Variants in PAPSS2 observed in about 807,000 individuals in gnomAD.
PAPSS2 encodes the protein 3'-phosphoadenosine 5'-phosphosulfate synthase 2.
PAPSS2 carries 61 observed loss-of-function variants against 66.5 expected under a neutral mutation model. The observed-to-expected ratio is 0.92, with a 90% CI of 0.75 to 1.14. The LOEUF (loss-of-function observed/expected upper bound fraction) is 1.14. PAPSS2 is among the 50% of genes most tolerant of loss of function. The pLI, the probability that PAPSS2 is intolerant of heterozygous loss-of-function variation, is 0.00. For synonymous variants in PAPSS2, 289 were observed against 287.5 expected, an observed-to-expected ratio of 1.01 and a Z score of -0.05; for missense variants, 708 against 789.6, an observed-to-expected ratio of 0.90 and a Z score of 1.24.
chr10:87,728,749 A>AG (rs1853690938), intron 9 of PAPSS2, among the ~76,000 whole-genome samples: 1 of 151,530 alleles, frequency 6.6e-6, no homozygotes, highest in Admixed American at 6.6e-5. Context: ...AGAAAAAAAA[A>AG]AGAGAGGCCA....
chr10:87,682,728 G>T (rs981373229), intron 1 of PAPSS2, among the ~76,000 whole-genome samples: 3 of 152,206 alleles, frequency 2.0e-5, no homozygotes, highest in Non-Finnish European at 4.4e-5. Flanking sequence ...ATAAGGTCCA[G>T]GTGGCCGCAA....
At chr10:87,706,104 A>ATGTG (rs1440508568) in intron 1 of PAPSS2, among the ~76,000 whole-genome samples, 3 of 78,080 alleles carry the variant, frequency 3.8e-5, no homozygotes, top group African/African-American at 1.7e-4. Flanking sequence ...ATATATATAT[A>ATGTG]TATATGTGTG....
intron 4 of PAPSS2, 93 bp downstream of exon 4, chr10:87,714,275 C>CT: frequency 7.0e-7 from 1 of 1,432,754 alleles, no homozygotes; most frequent in Non-Finnish European, 9.7e-7. Context: ...GAGTTTCAAA[C>CT]TGTTTTCCAA....
chr10:87,705,637 C>G (rs1853372991), intron 1 of PAPSS2, among the ~76,000 whole-genome samples: 1 of 152,142 alleles, frequency 6.6e-6, no homozygotes, highest in African/African-American at 2.4e-5. Flanking sequence ...TGACATTAAG[C>G]ACTTCATGGT....
chr10:87,714,165 G>C lies in PAPSS2; in HGVS notation c.503G>C (p.Arg168Thr). The change falls in exon 4 of 13, where the codon AGA becomes ACA. Residue 168 changes from arginine to threonine, a missense_variant. Coordinates refer to ENST00000456849, the MANE Select transcript of PAPSS2 (RefSeq NM_001015880.2). ...RDVKGLYKRA[R>T]AGEIKGFTGI... is the part of the protein sequence containing the mutation. ...GTAAAAGGCCTCTATAAAAGGGCCA[G>C]AGCTGGGGAGATTAAAGGTAAGAGA... The C allele has an allele frequency of 6.2e-7, 1 of 1,613,572 alleles. No homozygotes were observed. The highest frequency in any genetic ancestry group is 8.5e-7 in the Non-Finnish European group (1 of 1,179,894).
intron 1 of PAPSS2, among the ~76,000 whole-genome samples, chr10:87,675,607 T>C (rs1471206161): frequency 6.6e-6 from 1 of 152,264 alleles, no homozygotes; most frequent in East Asian, 1.9e-4. Context: ...TATACCTGCA[T>C]GGGTTTTATG....
At chr10:87,727,552 CTT>C in intron 9 of PAPSS2, 63 bp downstream of exon 9, 1 of 1,326,892 alleles carries the variant, frequency 7.5e-7, no homozygotes. Context: ...AAAAATAACT[CTT>C]TTTAATTCCT....
chr10:87,660,315 G>A (rs1435077380), intron 1 of PAPSS2: 1 of 553,176 alleles, frequency 1.8e-6, no homozygotes, highest in Non-Finnish European at 3.2e-6. Context: ...CCAGGGACAG[G>A]AAATCCCCTT....
intron 1 of PAPSS2, among the ~76,000 whole-genome samples, chr10:87,673,077 C>G (rs1010891284): frequency 1.3e-5 from 2 of 152,114 alleles, no homozygotes; most frequent in Admixed American, 1.3e-4. Context: ...ATAGTGGGGG[C>G]CAGTGTTCAG....
rs1361819949 is a variant in PAPSS2, at chr10:87,689,365, C to A, written c.28-19831C>A. Among the ~76,000 whole-genome samples the A allele has an allele frequency of 5.5e-5, 8 of 144,330 alleles. No individual in the cohort carries two copies. The South Asian group carries it at 6.7e-4, about 12-fold the overall frequency. The allele number at this position is 144,330 out of a possible 152,430, so 94.7% of individuals were successfully genotyped here. A position where few individuals can be genotyped will look rare whatever the true frequency, so the allele number is the denominator to read the frequency against. Reference sequence around the variant, plus strand: ...CAAAAAAAAAAAAAAACAAAAAAAACCCACAAAGAACTTGTGGCCTGGGGG... The same window carrying A: ...CAAAAAAAAAAAAAAACAAAAAAAAACCACAAAGAACTTGTGGCCTGGGGG... On this transcript the variant is annotated intron_variant, in intron 1 of 12. Coordinates refer to ENST00000456849, the MANE Select transcript of PAPSS2 (RefSeq NM_001015880.2).
intron 1 of PAPSS2, among the ~76,000 whole-genome samples, chr10:87,687,652 A>G (rs572972176): frequency 3.9e-5 from 6 of 152,310 alleles, no homozygotes; most frequent in African/African-American, 9.6e-5. Context: ...TGAAGTGCCT[A>G]TAGTAGCTAG....
At position 87,713,142 on chromosome 10, in the gene PAPSS2, C is replaced by G. The variant is rs757781081; in HGVS notation, c.213C>G (p.Ile71Met). The G allele has an allele frequency of 1.2e-6, 2 of 1,613,380 alleles. No homozygotes were observed. Among genetic ancestry groups the G allele is most frequent in the South Asian group, 1.1e-5 (1 of 91,048 alleles). Reference protein sequence around the residue: ...ALEEYLVSHAIPCYSLDGDNV... With the variant: ...ALEEYLVSHAMPCYSLDGDNV... ...AGGAGTACCTTGTCTCCCATGCCAT[C>G]CCTTGTTACTCCCTGGATGGGGACA... The change falls in exon 3 of 13, where the codon ATC (isoleucine) becomes ATG (methionine). Residue 71 changes from isoleucine to methionine, a missense_variant. By Grantham distance (10) the Ile-to-Met change is conservative. Transcript: ENST00000456849.
chr10:87,707,650 G>A (rs1853410087), intron 1 of PAPSS2, among the ~76,000 whole-genome samples: 2 of 142,618 alleles, frequency 1.4e-5, no homozygotes, highest in Admixed American at 7.5e-5. Flanking sequence ...GCTCACTGCA[G>A]CCTTGGCCTC....
intron 9 of PAPSS2, among the ~76,000 whole-genome samples, chr10:87,739,986 C>T (rs1853846906): frequency 6.6e-6 from 1 of 152,198 alleles, no homozygotes; most frequent in Non-Finnish European, 1.5e-5. Context: ...AGGAAAAGTA[C>T]TTGCACAGTG....
At chr10:87,727,953 T>G (rs1853681154) in intron 9 of PAPSS2, among the ~76,000 whole-genome samples, 1 of 152,174 alleles carries the variant, frequency 6.6e-6, no homozygotes, top group Non-Finnish European at 1.5e-5. Flanking sequence ...AGGGGGTCAA[T>G]GATACTCTCT....
At chr10:87,665,332 C>T (rs1244923719) in intron 1 of PAPSS2, among the ~76,000 whole-genome samples, 2 of 152,128 alleles carry the variant, frequency 1.3e-5, no homozygotes, top group African/African-American at 4.8e-5. Flanking sequence ...CTGCCTCAGC[C>T]TCCCGAGTAG....
chr10:87,697,252 A>G (rs1359297944), intron 1 of PAPSS2, among the ~76,000 whole-genome samples: 1 of 152,208 alleles, frequency 6.6e-6, no homozygotes, highest in African/African-American at 2.4e-5. Flanking sequence ...AAATAGGAAG[A>G]TCAGGCAGGC....
intron 12 of PAPSS2, 33 bp downstream of exon 12, chr10:87,745,264 A>C: frequency 6.6e-7 from 1 of 1,520,950 alleles, no homozygotes; most frequent in Non-Finnish European, 9.0e-7. Context: ...TTTTATCAAC[A>C]TCTGTATAAA....
chr10:87,717,925 A>G (rs1420710986), intron 7 of PAPSS2, among the ~76,000 whole-genome samples: 1 of 152,224 alleles, frequency 6.6e-6, no homozygotes, highest in East Asian at 1.9e-4. Context: ...AATGCAGATA[A>G]TCCATCTGGA....
Sources: allele counts gnomAD v4.1 joint callset (sites outside exome capture counted in the v4.1 genomes callset), GRCh38; gene constraint gnomAD v4.1.1; transcripts MANE v1.5; gene names NCBI Gene and HGNC (gene_info 2026-07-23, HGNC 2026-07-21).